The following UNC13C variants were observed in gnomAD, a reference collection of about 807,000 sequenced individuals.
UNC13C encodes protein unc-13 homolog C.
In UNC13C, 174 loss-of-function variants were observed where a neutral mutation model predicts 245.4. That is an observed-to-expected ratio of 0.71 (90% CI 0.63 to 0.80). The LOEUF is 0.80. Among genes scored for constraint, UNC13C ranks in the 30% least tolerant of loss-of-function variants. UNC13C has a pLI of 0.00. For synonymous variants in UNC13C, 992 were observed against 895.1 expected (o/e 1.11, Z -1.93); for missense variants, 2,829 against 2,602.9 (o/e 1.09, Z -1.89).
intron 4 of UNC13C, among the ~76,000 whole-genome samples, chr15:54,151,087 G>T (rs987923610): frequency 6.6e-6 from 1 of 152,040 alleles, no homozygotes; most frequent in African/African-American, 2.4e-5. Context: ...TTACTGAGTG[G>T]TAGACCATAA....
rs186830219 is a variant in UNC13C, at chr15:54,282,180, T to A, written c.3819-11715T>A. ...ATCATATGAGTGATTTTTAGGTAAC[T>A]ACTGTAAAAAATTTTGCTATCTCTA... is the stretch of plus-strand genomic sequence containing the variant. On this transcript the variant is annotated intron_variant, in intron 10 of 32. Transcript: ENST00000260323. Among the ~76,000 whole-genome samples, 461 of 152,318 alleles carry A rather than the reference T, an allele frequency of 3.0e-3. 3 individuals carry two copies. Among genetic ancestry groups the A allele is most frequent in the Non-Finnish European group, 4.4e-3 (302 of 68,042 alleles).
intron 19 of UNC13C, among the ~76,000 whole-genome samples, chr15:54,464,272 C>T (rs1892047782): frequency 6.6e-6 from 1 of 151,998 alleles, no homozygotes; most frequent in South Asian, 2.1e-4. Flanking sequence ...ATTACATTTT[C>T]CATTCATGAA....
At chr15:54,467,791 G>C (rs573835590) in intron 19 of UNC13C, among the ~76,000 whole-genome samples, 2 of 151,614 alleles carry the variant, frequency 1.3e-5, no homozygotes, top group East Asian at 1.9e-4. Flanking sequence ...ATGTCAGACT[G>C]CCCTGCTCTT....
At chr15:54,318,654 T>C (rs145768389) in intron 13 of UNC13C, among the ~76,000 whole-genome samples, 1 of 152,012 alleles carries the variant, frequency 6.6e-6, no homozygotes, top group East Asian at 1.9e-4. Context: ...AGTTGACATT[T>C]TGTTACAGTT....
chr15:54,559,183 G>A (rs1280434318), intron 29 of UNC13C, among the ~76,000 whole-genome samples: 1 of 151,912 alleles, frequency 6.6e-6, no homozygotes, highest in African/African-American at 2.4e-5. Context: ...ATAAGGAAAG[G>A]AATTTAACTA....
At chr15:53,852,070 G>A in the UNC13C span, among the ~76,000 whole-genome samples, 1 of 152,324 alleles carries the variant, frequency 6.6e-6, no homozygotes, top group East Asian at 1.9e-4. Context: ...AGAAGTTCTG[G>A]AGGCCAGAGT....
At chr15:53,845,757 TA>T in the UNC13C span, among the ~76,000 whole-genome samples, 2 of 152,182 alleles carry the variant, frequency 1.3e-5, no homozygotes, top group African/African-American at 4.8e-5. Context: ...TTATTTCCTA[TA>T]ATGCTATGAA....
intron 19 of UNC13C, among the ~76,000 whole-genome samples, chr15:54,459,573 G>T (rs1891726032): frequency 6.6e-6 from 1 of 151,958 alleles, no homozygotes; most frequent in Non-Finnish European, 1.5e-5. Flanking sequence ...CAAATTTCTT[G>T]GAAGTTTTTT....
chr15:54,134,572 T>G (rs1334392716), intron 2 of UNC13C, among the ~76,000 whole-genome samples: 1 of 152,070 alleles, frequency 6.6e-6, no homozygotes, highest in Admixed American at 6.6e-5. Flanking sequence ...CAGACTGGAG[T>G]GCAGTGGCGC....
the UNC13C span, among the ~76,000 whole-genome samples, chr15:53,843,775 A>G: frequency 2.6e-5 from 4 of 152,194 alleles, no homozygotes; most frequent in African/African-American, 9.6e-5. Context: ...CTGATAAGTT[A>G]GATACTAAAA....
intron 2 of UNC13C, among the ~76,000 whole-genome samples, chr15:54,099,369 T>C (rs371725760): frequency 7.2e-5 from 11 of 152,190 alleles, no homozygotes; most frequent in African/African-American, 2.7e-4. Context: ...TACTGAACTT[T>C]GCTTGGGAAT....
intron 2 of UNC13C, among the ~76,000 whole-genome samples, chr15:54,077,709 T>C (rs1898714914): frequency 6.6e-6 from 1 of 152,122 alleles, no homozygotes; most frequent in Non-Finnish European, 1.5e-5. Flanking sequence ...TGCTGTTTTA[T>C]TAGTCCCATA....
the UNC13C span, chr15:53,947,842 G>A: frequency 6.6e-6 from 1 of 152,186 alleles, no homozygotes; most frequent in Non-Finnish European, 1.5e-5. Flanking sequence ...CTTCACTGTA[G>A]AGGAACACAT....
intron 10 of UNC13C, among the ~76,000 whole-genome samples, chr15:54,287,036 G>T (rs751431492): frequency 6.6e-6 from 1 of 152,126 alleles, no homozygotes; most frequent in Non-Finnish European, 1.5e-5. Context: ...TATCAAGTTT[G>T]TGCAGTAAAA....
At chr15:53,854,182 G>A in the UNC13C span, among the ~76,000 whole-genome samples, 7 of 149,084 alleles carry the variant, frequency 4.7e-5, no homozygotes, top group South Asian at 4.3e-4. Context: ...GTGCAGTGGC[G>A]CAATCTTGGC....
chr15:54,058,928 C>G (rs1314011875), intron 2 of UNC13C, among the ~76,000 whole-genome samples: 1 of 152,152 alleles, frequency 6.6e-6, no homozygotes, highest in Non-Finnish European at 1.5e-5. Context: ...ATGCTAAAAA[C>G]TCTCAATAAA....
intron 18 of UNC13C, among the ~76,000 whole-genome samples, chr15:54,405,453 A>G (rs1165668771): frequency 6.6e-6 from 1 of 152,156 alleles, no homozygotes; most frequent in East Asian, 1.9e-4. Flanking sequence ...GAAGTATTCA[A>G]TTGTGGAATG....
intron 4 of UNC13C, among the ~76,000 whole-genome samples, chr15:54,211,150 G>A (rs139686616): frequency 1.2e-4 from 19 of 152,198 alleles, no homozygotes; most frequent in Admixed American, 5.2e-4. Context: ...AAGGAGCACT[G>A]AATTGAAGTC....
chr15:54,590,283 G>T (rs1165894417), intron 30 of UNC13C, among the ~76,000 whole-genome samples: 1 of 152,084 alleles, frequency 6.6e-6, no homozygotes, highest in Admixed American at 6.5e-5. Context: ...CTCTTATTTA[G>T]TTCCATATGA....
Sources: allele counts gnomAD v4.1 joint callset (sites outside exome capture counted in the v4.1 genomes callset), GRCh38; gene constraint gnomAD v4.1.1; transcripts MANE v1.5; gene names NCBI Gene and HGNC (gene_info 2026-07-23, HGNC 2026-07-21).